ADAMTS19: variants seen among roughly 807,000 people sequenced by gnomAD.
The protein encoded by ADAMTS19 is ADAM metallopeptidase with thrombospondin type 1 motif 19, also known as A disintegrin and metalloproteinase with thrombospondin motifs 19.
In ADAMTS19, 93 loss-of-function variants were observed where a neutral mutation model predicts 153.3. The observed-to-expected ratio is 0.61, with a 90% confidence interval of 0.51 to 0.72. The LOEUF (loss-of-function observed/expected upper bound fraction) is 0.72. ADAMTS19 is among the 30% of genes least tolerant of loss of function. The pLI, the probability that ADAMTS19 is intolerant of heterozygous loss-of-function variation, is 0.00. For missense variants in ADAMTS19, 1,482 were observed against 1,552.1 expected, an observed-to-expected ratio of 0.95 and a Z score of 0.76; for synonymous variants, 600 against 556.6, an observed-to-expected ratio of 1.08 and a Z score of -1.10.
intron 8 of ADAMTS19, among the ~76,000 whole-genome samples, chr5:129,614,458 A>C (rs1751407491): frequency 6.6e-6 from 1 of 152,214 alleles, no homozygotes; most frequent in Non-Finnish European, 1.5e-5. Context: ...CAATAGATGC[A>C]GAAAAGGCCT....
At chr5:129,607,947 A>G (rs1750985956) in intron 8 of ADAMTS19, among the ~76,000 whole-genome samples, 1 of 147,194 alleles carries the variant, frequency 6.8e-6, no homozygotes. Context: ...GTGTGTATGC[A>G]TATATATATA....
Position 129,679,772 on chromosome 5 carries a change from G to C in ADAMTS19, c.2515G>C (p.Asp839His). ...KPAHSYLALR[D>H]AGKQSINSDW... is the part of the protein sequence containing the mutation. Reference sequence around the variant, plus strand: ...TTTGAACCTCTTTATAGCTCTCCGAGATGCTGGCAAACAGTCTATTAATAG... The same window carrying C: ...TTTGAACCTCTTTATAGCTCTCCGACATGCTGGCAAACAGTCTATTAATAG... Residue 839 changes from aspartate to histidine, a missense_variant, in exon 17 of 23, where the codon GAT becomes CAT. Physicochemically the swap from Asp to His is moderately conservative, Grantham distance 81. Around this residue, in one of 2 missense-constraint regions of ADAMTS19, gnomAD observed 616 missense variants for 724.4 expected, o/e 0.85. Coordinates refer to ENST00000274487, the MANE Select transcript of ADAMTS19 (RefSeq NM_133638.6). 6.2e-7 allele frequency: 1 copy of C among 1,610,214 alleles called. No homozygotes were observed. Among genetic ancestry groups the C allele is most frequent in the Non-Finnish European group, 8.5e-7 (1 of 1,178,560 alleles).
chr5:129,585,622 GTTC>G (rs1749742967), intron 7 of ADAMTS19, among the ~76,000 whole-genome samples: 1 of 152,028 alleles, frequency 6.6e-6, no homozygotes, highest in South Asian at 2.1e-4. Context: ...TCTTCCTGGT[GTTC>G]TTCATTTCTT....
intron 8 of ADAMTS19, among the ~76,000 whole-genome samples, chr5:129,601,682 C>G (rs1298411081): frequency 6.6e-6 from 1 of 152,094 alleles, no homozygotes; most frequent in Non-Finnish European, 1.5e-5. Context: ...TTGTTCTGTC[C>G]CAATGGAGTT....
At chr5:129,594,509 TTATTTTATTTTCAAA>T in intron 7 of ADAMTS19, among the ~76,000 whole-genome samples, 1 of 152,166 alleles carries the variant, frequency 6.6e-6, no homozygotes. Context: ...TCTCAAATTA[TTATTTTATTTTCAAA>T]TGCTGTAACT....
At chr5:129,644,381 T>C (rs1260907838) in intron 11 of ADAMTS19, among the ~76,000 whole-genome samples, 1 of 152,216 alleles carries the variant, frequency 6.6e-6, no homozygotes, top group Non-Finnish European at 1.5e-5. Context: ...CACCAAACAC[T>C]GCAAGCTCAA....
intron 7 of ADAMTS19, among the ~76,000 whole-genome samples, chr5:129,580,042 A>C (rs1179253593): frequency 6.6e-6 from 1 of 152,086 alleles, no homozygotes; most frequent in Non-Finnish European, 1.5e-5. Context: ...GGCCATTTTC[A>C]CGATATTGAT....
intron 3 of ADAMTS19, among the ~76,000 whole-genome samples, chr5:129,524,502 C>A (rs1002685396): frequency 6.6e-6 from 1 of 151,910 alleles, no homozygotes; most frequent in Non-Finnish European, 1.5e-5. Flanking sequence ...AAGAAACTAT[C>A]ATCAAAGTGA....
intron 2 of ADAMTS19, among the ~76,000 whole-genome samples, chr5:129,492,792 G>T (rs73242238): frequency 0.05 from 7,593 of 151,944 alleles, 254 homozygotes; most frequent in African/African-American, 0.092. Flanking sequence ...TCGCAGTATT[G>T]CCACATAAAC....
intron 8 of ADAMTS19, among the ~76,000 whole-genome samples, chr5:129,612,259 A>T (rs1038454205): frequency 4.0e-5 from 6 of 151,570 alleles, no homozygotes; most frequent in African/African-American, 1.5e-4. Flanking sequence ...TTTGCTGAGA[A>T]TGATGGTTTC....
intron 12 of ADAMTS19, among the ~76,000 whole-genome samples, chr5:129,648,522 C>T (rs1753167736): frequency 6.6e-6 from 1 of 152,150 alleles, no homozygotes; most frequent in African/African-American, 2.4e-5. Context: ...ATTTTCCCTT[C>T]AGTTTCTGCC....
At chr5:129,513,935 T>C (rs2126733280) in intron 3 of ADAMTS19, among the ~76,000 whole-genome samples, 1 of 152,126 alleles carries the variant, frequency 6.6e-6, no homozygotes, top group Non-Finnish European at 1.5e-5. Context: ...CCCCTCAAAC[T>C]CCTCACTACC....
rs926769994 is a variant in ADAMTS19, at chr5:129,638,558, GTC to G, written c.1771-3298_1771-3297del. 2.4e-3 allele frequency among the ~76,000 whole-genome samples: 322 copies of G among 135,556 alleles called. 8 individuals are homozygous for G. The highest frequency in any genetic ancestry group is 3.8e-3 in the Middle Eastern group (1 of 264). The allele number at this position is 135,556 out of a possible 152,430, so 88.9% of individuals were successfully genotyped here. A position where few individuals can be genotyped will look rare whatever the true frequency, so the allele number is the denominator to read the frequency against. On this transcript the variant is annotated intron_variant, in intron 10 of 22. Transcript: ENST00000274487. ...TTTGTTTCCTATTTTAGTACTCTCTGTCTCACACACACACACATACACACACA... is the reference window on the plus strand; with the variant it reads ...TTTGTTTCCTATTTTAGTACTCTCTGTCACACACACACACATACACACACA...
At chr5:129,550,044 ATGTATC>A (rs201919571) in intron 6 of ADAMTS19, among the ~76,000 whole-genome samples, 21,855 of 105,662 alleles carry the variant, frequency 0.21, 3,204 homozygotes, top group East Asian at 0.4. Context: ...ATACATATAC[ATGTATC>A]TGTATATGTA....
In ADAMTS19 at chr5:129,716,907, G is replaced by A. The variant is rs111421934; in HGVS notation, c.3312+12516G>A. 4.6e-5 allele frequency among the ~76,000 whole-genome samples: 7 copies of A among 152,206 alleles called. No individual in the cohort carries two copies. In the East Asian group the frequency reaches 1.3e-3, roughly 29 times the overall value. On this transcript the variant is annotated intron_variant, in intron 21 of 22. Coordinates refer to ENST00000274487, the MANE Select transcript of ADAMTS19 (RefSeq NM_133638.6). ...CTTTCTGTATTGTAACCTAACCTAC[G>A]TCTCCAGAATTTTCTCATCATTTTC...
chr5:129,539,504 T>A (rs541879228), intron 6 of ADAMTS19, among the ~76,000 whole-genome samples: 1 of 152,148 alleles, frequency 6.6e-6, no homozygotes, highest in Non-Finnish European at 1.5e-5. Flanking sequence ...AGATAACAAA[T>A]TTGTGTTGTT....
At chr5:129,584,307 A>T (rs1581113641) in intron 7 of ADAMTS19, among the ~76,000 whole-genome samples, 1 of 151,768 alleles carries the variant, frequency 6.6e-6, no homozygotes, top group Admixed American at 6.6e-5. Context: ...ACCAGCCAGA[A>T]CTCTCCTGTA....
At chr5:129,544,682 T>A (rs1752791790) in intron 6 of ADAMTS19, among the ~76,000 whole-genome samples, 1 of 152,282 alleles carries the variant, frequency 6.6e-6, no homozygotes, top group African/African-American at 2.4e-5. Context: ...AGGGAGTTTT[T>A]TGAACTAAAA....
chr5:129,557,020 A>G (rs1753337924), intron 7 of ADAMTS19, among the ~76,000 whole-genome samples: 2 of 152,194 alleles, frequency 1.3e-5, no homozygotes, highest in Admixed American at 6.5e-5. Flanking sequence ...TGTTGCCTCC[A>G]TCATTTAGAG....
Sources: allele counts gnomAD v4.1 joint callset (sites outside exome capture counted in the v4.1 genomes callset), GRCh38; gene constraint gnomAD v4.1.1; regional missense constraint gnomAD v4.1.1; transcripts MANE v1.5; gene names NCBI Gene and HGNC (gene_info 2026-07-23, HGNC 2026-07-21).